CLVS1: variants seen among roughly 807,000 people sequenced by gnomAD.
The protein encoded by CLVS1 is clavesin-1.
Under a neutral mutation model 33.1 loss-of-function variants are expected in CLVS1, and 10 were observed. That is an observed-to-expected ratio of 0.30 (90% CI 0.19 to 0.51). CLVS1 has a LOEUF of 0.51. CLVS1 is among the 20% of genes least tolerant of loss of function. CLVS1 has a pLI of 0.97. For missense variants in CLVS1, 343 were observed against 433.4 expected (o/e 0.79, Z 1.85); for synonymous variants, 163 against 166.1 (o/e 0.98, Z 0.14).
intron 2 of CLVS1, among the ~76,000 whole-genome samples, chr8:61,361,379 C>T (rs1812973189): frequency 3.3e-5 from 5 of 152,152 alleles, no homozygotes; most frequent in Admixed American, 3.3e-4. Context: ...AAGAGTCTGC[C>T]CTACTCAATA....
At chr8:61,198,690 T>A (rs375086679) in intron 2 of CLVS1, among the ~76,000 whole-genome samples, 1 of 152,134 alleles carries the variant, frequency 6.6e-6, no homozygotes, top group Non-Finnish European at 1.5e-5. Flanking sequence ...CGGGCCCCAA[T>A]AGATATTTTT....
At chr8:61,357,501 T>TTC (rs1302420083) in intron 2 of CLVS1, among the ~76,000 whole-genome samples, 14 of 99,282 alleles carry the variant, frequency 1.4e-4, no homozygotes, top group Non-Finnish European at 2.6e-4. Context: ...TTTCTTTTTT[T>TTC]TTTTTTTTTT....
chr8:61,357,322 T>G (rs1812755984), intron 2 of CLVS1, among the ~76,000 whole-genome samples: 1 of 152,074 alleles, frequency 6.6e-6, no homozygotes, highest in Non-Finnish European at 1.5e-5. Context: ...TTCAGCTTAC[T>G]ATTAACTGTA....
chr8:61,317,581 G>T (rs1273921861), intron 2 of CLVS1, among the ~76,000 whole-genome samples: 1 of 152,164 alleles, frequency 6.6e-6, no homozygotes, highest in Non-Finnish European at 1.5e-5. Context: ...TCCACCAGCA[G>T]TCTATGAGAG....
chr8:61,323,553 C>T (rs988518301), intron 2 of CLVS1, among the ~76,000 whole-genome samples: 1 of 152,182 alleles, frequency 6.6e-6, no homozygotes, highest in South Asian at 2.1e-4. Context: ...CCAAAAGTCT[C>T]ACCTCAATTT....
intron 1 of CLVS1, among the ~76,000 whole-genome samples, chr8:61,289,106 A>T (rs1466197762): frequency 1.3e-5 from 2 of 152,274 alleles, no homozygotes; most frequent in African/African-American, 2.4e-5. Flanking sequence ...AATGATATTC[A>T]GACCAGATGG....
chr8:61,091,569 T>C (rs1424819983), intron 1 of CLVS1, among the ~76,000 whole-genome samples: 4 of 152,174 alleles, frequency 2.6e-5, no homozygotes, highest in African/African-American at 9.7e-5. Flanking sequence ...AACTGGTGAA[T>C]CTATTTTTTT....
At chr8:61,078,718 C>T (rs1323972689) in intron 1 of CLVS1, among the ~76,000 whole-genome samples, 1 of 152,180 alleles carries the variant, frequency 6.6e-6, no homozygotes, top group Non-Finnish European at 1.5e-5. Context: ...GTGGAAGCCT[C>T]AAGGCTTTCT....
At chr8:61,230,894 G>A (rs1335097246) in intron 2 of CLVS1, among the ~76,000 whole-genome samples, 1 of 152,144 alleles carries the variant, frequency 6.6e-6, no homozygotes, top group African/African-American at 2.4e-5. Context: ...CCTTTTTGAT[G>A]TGTGCTCACA....
At chr8:61,155,687 A>T (rs112555459) in intron 2 of CLVS1, among the ~76,000 whole-genome samples, 27 of 152,256 alleles carry the variant, frequency 1.8e-4, no homozygotes, top group African/African-American at 6.3e-4. Context: ...CTATGAAAAA[A>T]TTGTCTTTTG....
intron 3 of CLVS1, among the ~76,000 whole-genome samples, chr8:61,453,047 G>A (rs1039703003): frequency 5.9e-5 from 9 of 151,632 alleles, no homozygotes; most frequent in African/African-American, 2.2e-4. Context: ...CATTTCCTCC[G>A]CCAGCCAGAC....
intron 2 of CLVS1, among the ~76,000 whole-genome samples, chr8:61,247,246 T>C (rs1176644365): frequency 1.3e-5 from 2 of 152,228 alleles, no homozygotes; most frequent in African/African-American, 2.4e-5. Context: ...TGAAGAGTGC[T>C]GCAGTGAACA....
At chr8:61,184,843 T>C (rs371731074) in intron 2 of CLVS1, among the ~76,000 whole-genome samples, 7 of 152,252 alleles carry the variant, frequency 4.6e-5, no homozygotes, top group Non-Finnish European at 8.8e-5. Flanking sequence ...GAAAGAATGG[T>C]ATTATCTGAT....
chr8:61,056,741 C>G (rs1467060715), upstream of CLVS1, among the ~76,000 whole-genome samples: 1 of 152,166 alleles, frequency 6.6e-6, no homozygotes, highest in Non-Finnish European at 1.5e-5. Flanking sequence ...TTAAATTATT[C>G]CTTAAATTAT....
intron 2 of CLVS1, among the ~76,000 whole-genome samples, chr8:61,358,254 G>A (rs1812824507): frequency 1.3e-5 from 2 of 152,174 alleles, no homozygotes; most frequent in South Asian, 2.1e-4. Context: ...TTATTTGTTT[G>A]ACCCTCACCT....
chr8:61,433,774 T>C (rs1285958648), intron 3 of CLVS1, among the ~76,000 whole-genome samples: 1 of 151,730 alleles, frequency 6.6e-6, no homozygotes, highest in Admixed American at 6.6e-5. Context: ...ATTAGCCAGG[T>C]GTGGTGGCTG....
the CLVS1 span, among the ~76,000 whole-genome samples, chr8:61,036,469 C>T: frequency 1.3e-5 from 2 of 152,222 alleles, no homozygotes; most frequent in Admixed American, 6.5e-5. Context: ...GGAGGCCCAC[C>T]ACTGAGTTGT....
chr8:61,107,864 T>C (rs1326398467), intron 1 of CLVS1, among the ~76,000 whole-genome samples: 1 of 152,256 alleles, frequency 6.6e-6, no homozygotes, highest in Non-Finnish European at 1.5e-5. Context: ...TGAACCAACA[T>C]ATTTTTATGT....
At chr8:61,286,957 A>G (rs945866869), upstream of CLVS1, among the ~76,000 whole-genome samples, 1 of 152,196 alleles carries the variant, frequency 6.6e-6, no homozygotes, top group South Asian at 2.1e-4. Context: ...ATAGCTATAA[A>G]CATTACAGGC....
Sources: allele counts gnomAD v4.1 joint callset (sites outside exome capture counted in the v4.1 genomes callset), GRCh38; gene constraint gnomAD v4.1.1; transcripts MANE v1.5; gene names NCBI Gene and HGNC (gene_info 2026-07-23, HGNC 2026-07-21).